SIAE: variants seen among roughly 807,000 people sequenced by gnomAD.
The protein encoded by SIAE is sialate O-acetylesterase.
In SIAE, 39 loss-of-function variants were observed where a neutral mutation model predicts 52.6. The observed-to-expected ratio is 0.74, with a 90% CI of 0.57 to 0.97. The LOEUF (loss-of-function observed/expected upper bound fraction) is 0.97. SIAE is among the 50% of genes least tolerant of loss of function. SIAE has a pLI of 0.00. For missense variants in SIAE, 592 were observed against 662.1 expected (o/e 0.89, Z 1.16); for synonymous variants, 233 against 241.4 (o/e 0.97, Z 0.32).
chr11:124,644,137 AATT>A (rs1246365256), intron 7 of SIAE, among the ~76,000 whole-genome samples: 1 of 152,170 alleles, frequency 6.6e-6, no homozygotes, highest in African/African-American at 2.4e-5. Context: ...CTCTTATTAA[AATT>A]ATCTTAGGCA....
In SIAE at chr11:124,639,806, T is replaced by C. The variant is rs1454709006; in HGVS notation, c.1028A>G (p.Gln343Arg). Residue 343 changes from glutamine to arginine, a missense_variant, in exon 8 of 10, where the codon CAA becomes CGA. Transcript: ENST00000263593. ...DDGFPQIRWH[Q>R]TADFGYVPNP... ...GGGGACATAGCCGAAGTCTGCTGTT[T>C]GATGCCAACGGATCTGGGGAAATCC... is the stretch of plus-strand genomic sequence containing the variant. 3 of 1,614,138 alleles carry C rather than the reference T, an allele frequency of 1.9e-6. No individual in the cohort carries two copies. The African/African-American group carries it at 4.0e-5, about 22-fold the overall frequency.
At chr11:124,640,790 T>C (rs1591383703) in intron 7 of SIAE, among the ~76,000 whole-genome samples, 1 of 152,344 alleles carries the variant, frequency 6.6e-6, no homozygotes, top group East Asian at 1.9e-4. Context: ...GAAAGTATGG[T>C]GTGTCACTTC....
intron 3 of SIAE, among the ~76,000 whole-genome samples, chr11:124,657,711 T>G (rs759834860): frequency 6.6e-6 from 1 of 152,160 alleles, no homozygotes; most frequent in Non-Finnish European, 1.5e-5. Context: ...ACAGAGAGTG[T>G]CAGCAAAAAT....
rs1419204113 is a variant in SIAE at position 124,636,246 on chromosome 11, A to AAAC, written c.*702_*704dup. Reference sequence around the variant, plus strand: ...GCACATGTTTCTTATTTCATTTCTTAAACATTCATATTACCACTATTTAGA... The same window carrying AAAC: ...GCACATGTTTCTTATTTCATTTCTTAAACAACATTCATATTACCACTATTTAGA... On this transcript the variant is annotated 3_prime_UTR_variant, in exon 10 of 10. Coordinates refer to ENST00000263593, the MANE Select transcript of SIAE (RefSeq NM_170601.5). 1.3e-5 allele frequency: 2 copies of AAAC among 152,688 alleles called. No homozygotes were observed. The highest frequency in any genetic ancestry group is 2.4e-5 in the African/African-American group (1 of 41,440). The allele number at this position is 152,688 out of a possible 1,614,324, so 9.5% of individuals were successfully genotyped here. A position where few individuals can be genotyped will look rare whatever the true frequency, so the allele number is the denominator to read the frequency against.
intron 3 of SIAE, among the ~76,000 whole-genome samples, chr11:124,655,915 A>G (rs1943091346): frequency 6.6e-6 from 1 of 152,214 alleles, no homozygotes; most frequent in South Asian, 2.1e-4. Context: ...ATGCCCCCAA[A>G]TCCAAAATTT....
At chr11:124,675,474 G>A, upstream of SIAE, 1 of 1,574,848 alleles carries the variant, frequency 6.3e-7, no homozygotes, top group Non-Finnish European at 8.6e-7. Flanking sequence ...ATTTGTTTAT[G>A]GTAAAACTTG....
At chr11:124,651,737 C>T (rs1181990271) in intron 4 of SIAE, among the ~76,000 whole-genome samples, 2 of 152,210 alleles carry the variant, frequency 1.3e-5, no homozygotes, top group South Asian at 4.1e-4. Context: ...CTCTGTGCAT[C>T]GCTCCATCAC....
rs747596687 is a variant in SIAE, at chr11:124,637,061, C to T, written c.1462G>A (p.Glu488Lys). 1.2e-6 allele frequency: 2 copies of T among 1,614,170 alleles called. No individual in the cohort carries two copies. Among genetic ancestry groups the T allele is most frequent in the Non-Finnish European group, 1.7e-6 (2 of 1,180,036 alleles). The change falls in exon 10 of 10, where the codon GAA becomes AAA. Residue 488 changes from glutamate (E) to lysine (K), a missense_variant. Coordinates refer to ENST00000263593, the MANE Select transcript of SIAE (RefSeq NM_170601.5). ...TGGTATAGGGGACACTGCTTATATT[C>T]ACAAGGCCACGTGGTCCAAGCATAG... Reference protein sequence around the residue: ...LRYAWTTWPCEYKQCPLYHPS... With the variant: ...LRYAWTTWPCKYKQCPLYHPS...
Position 124,647,346 on chromosome 11 carries a change from G to A in SIAE, c.966+19C>T, listed in dbSNP as rs780755629. Reference sequence around the variant, plus strand: ...AACAGGTGTTGACATGAACAGAGAAGCCTTTACCCACATCGTACCTGGACA... The same window carrying A: ...AACAGGTGTTGACATGAACAGAGAAACCTTTACCCACATCGTACCTGGACA... On this transcript the variant is annotated intron_variant, in intron 7 of 9. Coordinates refer to ENST00000263593, the MANE Select transcript of SIAE (RefSeq NM_170601.5). 6.2e-7 allele frequency: 1 copy of A among 1,614,172 alleles called. No homozygotes were observed. Among genetic ancestry groups the A allele is most frequent in the Non-Finnish European group, 8.5e-7 (1 of 1,180,022 alleles).
At chr11:124,672,502 C>T (rs1451888596) in intron 1 of SIAE, among the ~76,000 whole-genome samples, 1 of 152,056 alleles carries the variant, frequency 6.6e-6, no homozygotes. Context: ...CGTCAGGATA[C>T]GCAACCAAGT....
At chr11:124,675,666 C>T (rs1025351592), upstream of SIAE, 6 of 341,964 alleles carry the variant, frequency 1.8e-5, no homozygotes, top group East Asian at 3.1e-4. Context: ...GGACATACAG[C>T]GTGGAAGGTA....
chr11:124,658,732 T>C (rs1943138434), intron 3 of SIAE: 1 of 152,054 alleles, frequency 6.6e-6, no homozygotes, highest in Admixed American at 6.6e-5. Context: ...TAGGTTATAG[T>C]GGAACTCTTA....
intron 8 of SIAE, 56 bp downstream of exon 8, chr11:124,639,654 G>A (rs769815585): frequency 1.1e-5 from 17 of 1,610,554 alleles, no homozygotes; most frequent in Non-Finnish European, 1.4e-5. Flanking sequence ...GAACATCAGA[G>A]TGAAAGACTA....
upstream of SIAE, chr11:124,675,214 C>T (rs55684404): frequency 7.2e-3 from 11,357 of 1,570,482 alleles, 728 homozygotes; most frequent in African/African-American, 0.13. Flanking sequence ...AATTTAAAGA[C>T]AGTACTCTTT....
upstream of SIAE, chr11:124,673,918 C>G: frequency 1.7e-6 from 1 of 594,746 alleles, no homozygotes; most frequent in Non-Finnish European, 3.0e-6. Context: ...AGAAAAACAA[C>G]CGGAACCGGC....
rs1943339640 is a variant in SIAE, at chr11:124,670,716, TTGGAA to T, written c.68-1200_68-1196del. Reference sequence around the variant, plus strand: ...GCTCCGTGGCCTATTTATCCTGCTCTTGGAATAACAGCCCAGTCCCTAAAAATCCT... The same window carrying T: ...GCTCCGTGGCCTATTTATCCTGCTCTTAACAGCCCAGTCCCTAAAAATCCT... On this transcript the variant is annotated intron_variant, in intron 1 of 9. Transcript: ENST00000263593. The surrounding 1 kb of genome is among the most constrained non-coding windows in gnomAD (Gnocchi z 4.5). Among the ~76,000 whole-genome samples, 1 of 152,178 alleles carries T rather than the reference TTGGAA, an allele frequency of 6.6e-6. No individual in the cohort carries two copies. The highest frequency in any genetic ancestry group is 1.5e-5 in the Non-Finnish European group (1 of 68,036).
chr11:124,641,152 A>G (rs1942839019), intron 7 of SIAE, among the ~76,000 whole-genome samples: 1 of 152,266 alleles, frequency 6.6e-6, no homozygotes, highest in African/African-American at 2.4e-5. Flanking sequence ...ATGTTTCATA[A>G]ACATATAAAA....
In SIAE at chr11:124,638,625, CT is replaced by C; in HGVS notation, c.1236del (p.Ile412MetfsTer45). ...AGCAGCCCCTTGTGAGCCAAGAGTT[CT>C]ATCTTCTCAGGCAGTGGTCCTTCAA... Reference protein sequence around the residue: ...LTFEGPLPEKIELLAHKGLLN... With the variant: ...LTFEGPLPEKXELLAHKGLLN... On this transcript the variant is annotated frameshift_variant, in exon 9 of 10. Transcript: ENST00000263593. LOFTEE classifies it high-confidence loss of function. The C allele has an allele frequency of 4.3e-6, 7 of 1,614,122 alleles. No individual in the cohort carries two copies. Among genetic ancestry groups the C allele is most frequent in the Non-Finnish European group, 5.9e-6 (7 of 1,180,026 alleles).
chr11:124,666,083 C>T (rs561437492), intron 2 of SIAE, among the ~76,000 whole-genome samples: 1 of 152,280 alleles, frequency 6.6e-6, no homozygotes, highest in South Asian at 2.1e-4. Context: ...CATCATTTGA[C>T]AACATCGTTT....
Sources: gnomAD v4.1 joint callset for allele counts (sites outside exome capture counted in the v4.1 genomes callset) on GRCh38, gnomAD v4.1.1 for gene constraint, Gnocchi (gnomAD v3.1) non-coding constraint, MANE v1.5 for transcripts, NCBI Gene and HGNC (gene_info 2026-07-23, HGNC 2026-07-21) for gene names.